The following NPY2R variants were observed in gnomAD, a reference collection of about 807,000 sequenced individuals.
The protein encoded by NPY2R is neuropeptide Y receptor type 2.
In NPY2R, 17 loss-of-function variants were observed where a neutral mutation model predicts 22.3. The observed-to-expected ratio is 0.76, with a 90% CI of 0.52 to 1.14. NPY2R has a LOEUF of 1.14. Ranked by LOEUF, NPY2R falls within the 50% of genes most tolerant of loss-of-function variation. The probability of loss-of-function intolerance (pLI) is 0.00; values close to 1 mark genes in which losing one functional copy is unlikely to be tolerated. For missense variants in NPY2R, 424 were observed against 467.9 expected, an observed-to-expected ratio of 0.91 and a Z score of 0.87; for synonymous variants, 209 against 183.4, an observed-to-expected ratio of 1.14 and a Z score of -1.13.
At chr4:155,181,703 C>A in the NPY2R span, among the ~76,000 whole-genome samples, 1 of 152,192 alleles carries the variant, frequency 6.6e-6, no homozygotes. Flanking sequence ...GACACTGAAT[C>A]TGCTGGCACC....
At chr4:155,183,190 C>T in the NPY2R span, among the ~76,000 whole-genome samples, 1 of 152,232 alleles carries the variant, frequency 6.6e-6, no homozygotes, top group Non-Finnish European at 1.5e-5. Context: ...ATTCTGTGGC[C>T]TGACCAAGTA....
the NPY2R span, among the ~76,000 whole-genome samples, chr4:155,174,482 ATATT>A: frequency 1.9e-5 from 2 of 104,514 alleles, no homozygotes; most frequent in African/African-American, 1.1e-4. Context: ...ATATATATAT[ATATT>A]TTTTTTTTTA....
chr4:155,184,400 T>C, the NPY2R span, among the ~76,000 whole-genome samples: 2 of 152,232 alleles, frequency 1.3e-5, no homozygotes, highest in East Asian at 3.8e-4. Context: ...AAATAATTTC[T>C]ACGTGGAGAT....
chr4:155,187,698 A>G, the NPY2R span, among the ~76,000 whole-genome samples: 2 of 152,160 alleles, frequency 1.3e-5, no homozygotes, highest in African/African-American at 4.8e-5. Flanking sequence ...ATACAAATAT[A>G]AACAGCATGT....
the NPY2R span, among the ~76,000 whole-genome samples, chr4:155,185,054 T>C: frequency 7.6e-3 from 1,142 of 150,158 alleles, 21 homozygotes; most frequent in African/African-American, 0.027. Flanking sequence ...ATTTTTTTTT[T>C]CCTGAGATGG....
At chr4:155,190,977 G>T in the NPY2R span, among the ~76,000 whole-genome samples, 3 of 151,752 alleles carry the variant, frequency 2.0e-5, no homozygotes, top group Non-Finnish European at 4.4e-5. Context: ...AATTTCATTT[G>T]TCAAAAAATA....
At position 155,215,419 on chromosome 4, in the gene NPY2R, G is replaced by A. The variant is rs1158789523; in HGVS notation, c.*334G>A. ...TATTATCAAAGCATTGCTGAGAGAC[G>A]GTGGGAAAATAAGTTGACTTTCAAA... On this transcript the variant is annotated 3_prime_UTR_variant, in exon 2 of 2. Coordinates refer to ENST00000329476, the MANE Select transcript of NPY2R (RefSeq NM_000910.4). 5.0e-6 allele frequency: 2 copies of A among 399,918 alleles called. No homozygotes were observed. Among genetic ancestry groups the A allele is most frequent in the Non-Finnish European group, 9.8e-6 (2 of 203,094 alleles). 24.8% of individuals were successfully genotyped at this position (399,918 alleles called of 1,614,324 possible). A position where few individuals can be genotyped will look rare whatever the true frequency, so the allele number is the denominator to read the frequency against.
the NPY2R span, among the ~76,000 whole-genome samples, chr4:155,188,725 C>G: frequency 6.6e-6 from 1 of 152,060 alleles, no homozygotes; most frequent in East Asian, 1.9e-4. Context: ...GTCTGACAAC[C>G]CACAAGAAAC....
the NPY2R span, among the ~76,000 whole-genome samples, chr4:155,174,496 A>T: frequency 1.8e-5 from 2 of 109,864 alleles, no homozygotes; most frequent in African/African-American, 7.1e-5. Context: ...TTTTTTTTTT[A>T]AATCTCTACT....
the NPY2R span, among the ~76,000 whole-genome samples, chr4:155,179,874 C>T: frequency 2.4e-4 from 37 of 152,266 alleles, no homozygotes; most frequent in African/African-American, 8.4e-4. Context: ...ACTCTCTCTT[C>T]CATCATCTTG....
At chr4:155,196,265 G>T in the NPY2R span, among the ~76,000 whole-genome samples, 3 of 151,888 alleles carry the variant, frequency 2.0e-5, no homozygotes, top group African/African-American at 7.2e-5. Context: ...ACCTCAGCAT[G>T]AATTACCTTA....
chr4:155,181,247 T>G, the NPY2R span, among the ~76,000 whole-genome samples: 1,293 of 152,312 alleles, frequency 8.5e-3, 9 homozygotes, highest in Non-Finnish European at 0.015. Context: ...ATCTAGACTC[T>G]TTTGATCTCA....
At chr4:155,204,425 C>T (rs1019366096), upstream of NPY2R, among the ~76,000 whole-genome samples, 1 of 152,002 alleles carries the variant, frequency 6.6e-6, no homozygotes. Context: ...CTTGGTTTTC[C>T]CATCATTCAA....
chr4:155,179,540 T>G, the NPY2R span, among the ~76,000 whole-genome samples: 1 of 152,214 alleles, frequency 6.6e-6, no homozygotes, highest in African/African-American at 2.4e-5. Flanking sequence ...CTTCACTGAC[T>G]GCCCTGTGTA....
Position 155,216,755 on chromosome 4 carries a change from C to G in NPY2R, c.*1670C>G, listed in dbSNP as rs958164311. The stretch of plus-strand genomic sequence containing the variant: ...GAAGCGAACAAAAAGTAATGTATAT[C>G]TGTAATATATAATCAAATGATTCAT... On this transcript the variant is annotated 3_prime_UTR_variant, in exon 2 of 2. Transcript: ENST00000329476. The G allele has an allele frequency of 6.0e-6, 1 of 166,992 alleles. No homozygotes were observed. The highest frequency in any genetic ancestry group is 1.9e-4 in the East Asian group (1 of 5,198). The allele number at this position is 166,992 out of a possible 1,614,324, so 10.3% of individuals were successfully genotyped here.
Position 155,208,921 on chromosome 4 carries a change from G to C in NPY2R, c.-197G>C, listed in dbSNP as rs574157658. 1 of 152,158 alleles carries C rather than the reference G, an allele frequency of 6.6e-6. No individual in the cohort carries two copies. Among genetic ancestry groups the C allele is most frequent in the Non-Finnish European group, 1.5e-5 (1 of 68,074 alleles). The allele number at this position is 152,158 out of a possible 1,614,324, so 9.4% of individuals were successfully genotyped here. A position where few individuals can be genotyped will look rare whatever the true frequency, so the allele number is the denominator to read the frequency against. On this transcript the variant is annotated 5_prime_UTR_variant, in exon 1 of 2. Coordinates refer to ENST00000329476, the MANE Select transcript of NPY2R (RefSeq NM_000910.4). The surrounding 1 kb of genome is among the most constrained non-coding windows in gnomAD (Gnocchi z 5.6). ...CTCCGGCTGCCCGCCCGCGCGGCGC[G>C]GGCTGTCCTGGACCCTAGGAGGGGA...
chr4:155,213,335 T>A (rs1729443438), intron 1 of NPY2R, among the ~76,000 whole-genome samples: 1 of 152,252 alleles, frequency 6.6e-6, no homozygotes, highest in African/African-American at 2.4e-5. Context: ...TTTTTAATAC[T>A]AAATCCTGCA....
the NPY2R span, among the ~76,000 whole-genome samples, chr4:155,197,416 C>T: frequency 1.9e-4 from 29 of 151,690 alleles, no homozygotes; most frequent in African/African-American, 7.0e-4. Context: ...CCTGTATGTC[C>T]CCTCTCCCAC....
the NPY2R span, among the ~76,000 whole-genome samples, chr4:155,192,071 AG>A: frequency 6.6e-6 from 1 of 151,864 alleles, no homozygotes; most frequent in African/African-American, 2.4e-5. Context: ...CAGTATTTAT[AG>A]CATTTTTCTG....
Sources: allele counts gnomAD v4.1 joint callset (sites outside exome capture counted in the v4.1 genomes callset), GRCh38; gene constraint gnomAD v4.1.1; non-coding constraint Gnocchi (gnomAD v3.1); transcripts MANE v1.5; gene names NCBI Gene and HGNC (gene_info 2026-07-23, HGNC 2026-07-21).